ADGRB3: variants seen among roughly 807,000 people sequenced by gnomAD.
ADGRB3 encodes adhesion G protein-coupled receptor B3.
ADGRB3 carries 37 observed loss-of-function variants against 193.4 expected under a neutral mutation model. The observed-to-expected ratio is 0.19, with a 90% CI of 0.15 to 0.25. ADGRB3 has a LOEUF of 0.25. ADGRB3 is among the 10% of genes least tolerant of loss of function. The pLI, the probability that ADGRB3 is intolerant of heterozygous loss-of-function variation, is 1.00. For synonymous variants in ADGRB3, 690 were observed against 644.2 expected (o/e 1.07, Z -1.08); for missense variants, 1,637 against 1,852.9 (o/e 0.88, Z 2.14).
Position 69,206,907 on chromosome 6 carries a change from G to A in ADGRB3, c.2481-26383G>A, listed in dbSNP as rs546551919. 4.7e-4 allele frequency among the ~76,000 whole-genome samples: 72 copies of A among 152,256 alleles called. 1 individual carries two copies. The highest frequency in any genetic ancestry group is 1.4e-3 in the African/African-American group (60 of 41,550). On this transcript the variant is annotated intron_variant, in intron 17 of 31. Transcript: ENST00000370598. ...CTTTCTTGAAGGGTCTGGGTCATTT[G>A]TAGTCCTGGATTGGGCTTTTGTAGT...
intron 8 of ADGRB3, among the ~76,000 whole-genome samples, chr6:68,968,886 A>G (rs1419217212): frequency 6.6e-6 from 1 of 152,178 alleles, no homozygotes; most frequent in East Asian, 1.9e-4. Flanking sequence ...TTAAATGTAC[A>G]TTAACTAAAA....
intron 15 of ADGRB3, among the ~76,000 whole-genome samples, chr6:69,056,739 G>C (rs1016875767): frequency 1.3e-5 from 2 of 152,038 alleles, no homozygotes; most frequent in Non-Finnish European, 2.9e-5. Context: ...CCTTGTCGAG[G>C]ATCATTTGAC....
intron 17 of ADGRB3, among the ~76,000 whole-genome samples, chr6:69,100,795 A>C (rs1344029375): frequency 6.9e-6 from 1 of 143,892 alleles, no homozygotes; most frequent in Admixed American, 7.1e-5. Context: ...TAATAGACGG[A>C]AGGAAAAAAA....
At chr6:69,241,746 A>G (rs1766388452) in intron 20 of ADGRB3, among the ~76,000 whole-genome samples, 1 of 151,982 alleles carries the variant, frequency 6.6e-6, no homozygotes, top group Non-Finnish European at 1.5e-5. Flanking sequence ...GTAATTAACT[A>G]CAGAATAGCT....
intron 3 of ADGRB3, among the ~76,000 whole-genome samples, chr6:68,789,868 C>G (rs1048940925): frequency 1.3e-5 from 2 of 152,168 alleles, no homozygotes; most frequent in Non-Finnish European, 2.9e-5. Context: ...ATTCTTGTTT[C>G]TCTAAACTTC....
chr6:69,327,632 A>G (rs1204428259), intron 21 of ADGRB3, among the ~76,000 whole-genome samples, 188 bp from the exon 22 acceptor site: 6 of 152,200 alleles, frequency 3.9e-5, no homozygotes, highest in African/African-American at 1.4e-4. Flanking sequence ...GTAAGTTAAA[A>G]GCTCAGGTAC....
At chr6:69,057,056 T>C (rs1324301147) in intron 15 of ADGRB3, among the ~76,000 whole-genome samples, 1 of 152,122 alleles carries the variant, frequency 6.6e-6, no homozygotes, top group African/African-American at 2.4e-5. Flanking sequence ...CTTCCATTTA[T>C]CTGTCTCTTC....
intron 17 of ADGRB3, among the ~76,000 whole-genome samples, chr6:69,170,411 T>G (rs999630429): frequency 2.6e-5 from 4 of 152,156 alleles, no homozygotes; most frequent in African/African-American, 9.7e-5. Context: ...CCCTTGCTAT[T>G]TCTCCAGGAT....
chr6:69,109,946 ATTT>A (rs33959992), intron 17 of ADGRB3, among the ~76,000 whole-genome samples: 12,059 of 129,612 alleles, frequency 0.093, 480 homozygotes, highest in South Asian at 0.16. Context: ...GCCTTCTTTA[ATTT>A]TTTTTTTTTT....
intron 17 of ADGRB3, among the ~76,000 whole-genome samples, chr6:69,091,586 G>A (rs560357449): frequency 7.5e-4 from 114 of 152,160 alleles, no homozygotes; most frequent in African/African-American, 2.6e-3. Context: ...GGGAGCTAAA[G>A]GATTAGAACA....
intron 3 of ADGRB3, among the ~76,000 whole-genome samples, chr6:68,899,947 A>G (rs946830665): frequency 6.6e-6 from 1 of 152,084 alleles, no homozygotes; most frequent in Non-Finnish European, 1.5e-5. Context: ...GCTGACTGAG[A>G]AAAAGGCATG....
intron 17 of ADGRB3, among the ~76,000 whole-genome samples, chr6:69,164,353 T>C (rs1270641027): frequency 6.6e-6 from 1 of 151,982 alleles, no homozygotes; most frequent in Non-Finnish European, 1.5e-5. Flanking sequence ...ATACTGCTAC[T>C]ATTTTTTTGT....
intron 5 of ADGRB3, among the ~76,000 whole-genome samples, chr6:68,942,176 TG>T (rs1434775685): frequency 6.6e-6 from 1 of 152,052 alleles, no homozygotes; most frequent in African/African-American, 2.4e-5. Context: ...TAGAAAGGGA[TG>T]GGGTATCTCA....
chr6:68,719,690 T>C (rs1765543142), intron 3 of ADGRB3, among the ~76,000 whole-genome samples: 2 of 151,698 alleles, frequency 1.3e-5, no homozygotes, highest in Non-Finnish European at 2.9e-5. Flanking sequence ...TCTCTTCTCC[T>C]ATTTTCTTTT....
intron 17 of ADGRB3, among the ~76,000 whole-genome samples, chr6:69,165,773 A>G (rs1775115683): frequency 6.6e-6 from 1 of 152,076 alleles, no homozygotes; most frequent in South Asian, 2.1e-4. Flanking sequence ...GAGATTTTAC[A>G]AATGTATGAG....
At chr6:69,250,752 T>A (rs1766601400) in intron 20 of ADGRB3, among the ~76,000 whole-genome samples, 1 of 152,234 alleles carries the variant, frequency 6.6e-6, no homozygotes, top group Non-Finnish European at 1.5e-5. Flanking sequence ...AACCACTTCC[T>A]GGGCATGCAC....
At chr6:69,013,020 A>G (rs1055215410) in intron 11 of ADGRB3, among the ~76,000 whole-genome samples, 7 of 152,090 alleles carry the variant, frequency 4.6e-5, no homozygotes, top group Non-Finnish European at 8.8e-5. Flanking sequence ...ACCACTGCCT[A>G]TGCAACTTAA....
intron 22 of ADGRB3, among the ~76,000 whole-genome samples, 158 bp from the exon 23 acceptor site, chr6:69,330,346 CTA>C (rs1414947300): frequency 1.3e-5 from 2 of 152,018 alleles, no homozygotes; most frequent in African/African-American, 4.8e-5. Context: ...TGATATAATT[CTA>C]GTTTTTTTCT....
chr6:68,916,410 T>G (rs1766881133), intron 3 of ADGRB3, among the ~76,000 whole-genome samples: 1 of 152,188 alleles, frequency 6.6e-6, no homozygotes, highest in South Asian at 2.1e-4. Context: ...CTCTCTTTCT[T>G]TTCTCTCACC....
Sources: allele counts gnomAD v4.1 joint callset (sites outside exome capture counted in the v4.1 genomes callset), GRCh38; gene constraint gnomAD v4.1.1; transcripts MANE v1.5; gene names NCBI Gene and HGNC (gene_info 2026-07-23, HGNC 2026-07-21).